MARCHF3: variants seen among roughly 807,000 people sequenced by gnomAD.
MARCHF3 encodes membrane associated ring-CH-type finger 3.
In MARCHF3, 13 loss-of-function variants were observed where a neutral mutation model predicts 24.2. The observed-to-expected ratio is 0.54, with a 90% CI of 0.35 to 0.85. The LOEUF is 0.85. Among genes scored for constraint, MARCHF3 ranks in the 40% least tolerant of loss-of-function variants. The pLI, the probability that MARCHF3 is intolerant of heterozygous loss-of-function variation, is 0.01. For synonymous variants in MARCHF3, 144 were observed against 137.3 expected (o/e 1.05, Z -0.34); for missense variants, 276 against 325.0 (o/e 0.85, Z 1.16).
At chr5:126,978,938 C>G (rs1438974010) in intron 1 of MARCHF3, among the ~76,000 whole-genome samples, 3 of 152,158 alleles carry the variant, frequency 2.0e-5, no homozygotes, top group African/African-American at 7.2e-5. Flanking sequence ...TGGGAAGACT[C>G]CACTCCAGAT....
At chr5:127,003,262 G>A (rs1178925083) in intron 1 of MARCHF3, among the ~76,000 whole-genome samples, 3 of 151,888 alleles carry the variant, frequency 2.0e-5, no homozygotes, top group African/African-American at 7.2e-5. Context: ...GGCGGAACAC[G>A]AGGTCAGGAG....
At chr5:126,883,405 A>AT (rs1371260839) in intron 3 of MARCHF3, among the ~76,000 whole-genome samples, 1 of 152,098 alleles carries the variant, frequency 6.6e-6, no homozygotes, top group Non-Finnish European at 1.5e-5. Flanking sequence ...TGAGCTGCCT[A>AT]TTTTTCTGTA....
intron 1 of MARCHF3, among the ~76,000 whole-genome samples, chr5:127,021,453 A>T (rs1019449320): frequency 1.3e-5 from 2 of 152,252 alleles, no homozygotes; most frequent in African/African-American, 4.8e-5. Flanking sequence ...CACAGATTTC[A>T]TAATTTCATA....
At chr5:126,894,830 G>A (rs1333379513) in intron 3 of MARCHF3, among the ~76,000 whole-genome samples, 1 of 151,822 alleles carries the variant, frequency 6.6e-6, no homozygotes, top group African/African-American at 2.4e-5. Flanking sequence ...GGCGTTCTCT[G>A]TATTTCCTGA....
At chr5:126,963,069 G>A (rs1750693142) in intron 1 of MARCHF3, among the ~76,000 whole-genome samples, 1 of 151,960 alleles carries the variant, frequency 6.6e-6, no homozygotes, top group African/African-American at 2.4e-5. Context: ...ACTGCTTATA[G>A]CATGTTGTAA....
intron 3 of MARCHF3, among the ~76,000 whole-genome samples, chr5:126,913,342 A>G (rs1381915451): frequency 6.6e-6 from 1 of 152,250 alleles, no homozygotes; most frequent in African/African-American, 2.4e-5. Flanking sequence ...AGGCTGCAAT[A>G]TCAAATTGGG....
chr5:127,015,289 T>C (rs970431989), intron 1 of MARCHF3, among the ~76,000 whole-genome samples: 1 of 152,134 alleles, frequency 6.6e-6, no homozygotes, highest in African/African-American at 2.4e-5. Flanking sequence ...TAGAAAACAA[T>C]GTCAAGTAGG....
At chr5:126,989,341 T>TAATA in intron 1 of MARCHF3, among the ~76,000 whole-genome samples, 1 of 138,804 alleles carries the variant, frequency 7.2e-6, no homozygotes, top group African/African-American at 2.9e-5. Context: ...CTACTACTAA[T>TAATA]AATAATAATA....
intron 1 of MARCHF3, among the ~76,000 whole-genome samples, chr5:126,974,406 T>C (rs1351051590): frequency 6.6e-6 from 1 of 152,220 alleles, no homozygotes; most frequent in East Asian, 1.9e-4. Context: ...GTCCTACTTC[T>C]GAATTCTGTT....
In MARCHF3 at chr5:126,869,328, G is replaced by C. The variant is rs1752881062; in HGVS notation, c.*1305C>G. 3 of 152,216 alleles carry C rather than the reference G, an allele frequency of 2.0e-5. No individual in the cohort carries two copies. The highest frequency in any genetic ancestry group is 7.2e-5 in the African/African-American group (3 of 41,442). 9.4% of individuals were successfully genotyped at this position (152,216 alleles called of 1,614,324 possible). On this transcript the variant is annotated 3_prime_UTR_variant, in exon 5 of 5. Transcript: ENST00000308660. The stretch of plus-strand genomic sequence containing the variant: ...TGCGTGTGGGCGGGCGGACAGCCGG[G>C]AGCCTGAGAGTCAACCCCAGCCAGC...
chr5:126,949,050 C>T (rs1362101049), intron 1 of MARCHF3, among the ~76,000 whole-genome samples: 1 of 152,132 alleles, frequency 6.6e-6, no homozygotes, highest in African/African-American at 2.4e-5. Context: ...TATGCATAAA[C>T]ATTCTTTTGA....
Position 126,869,638 on chromosome 5 carries a change from G to T in MARCHF3, c.*995C>A, listed in dbSNP as rs866361024. 19 of 113,152 alleles carry T rather than the reference G, an allele frequency of 1.7e-4. No homozygotes were observed. The highest frequency in any genetic ancestry group is 6.2e-4 in the South Asian group (2 of 3,244). The allele number at this position is 113,152 out of a possible 1,614,324, so 7.0% of individuals were successfully genotyped here. A position where few individuals can be genotyped will look rare whatever the true frequency, so the allele number is the denominator to read the frequency against. ...TACCTGTCAAGCTAGAAATTCAATA[G>T]AGCAATGGGAATGCTAATTGACATG... On this transcript the variant is annotated 3_prime_UTR_variant, in exon 5 of 5. Coordinates refer to ENST00000308660, the MANE Select transcript of MARCHF3 (RefSeq NM_178450.5).
At chr5:126,923,754 G>A (rs1749204242) in intron 1 of MARCHF3, among the ~76,000 whole-genome samples, 1 of 152,136 alleles carries the variant, frequency 6.6e-6, no homozygotes, top group Non-Finnish European at 1.5e-5. Flanking sequence ...TTAAAATTTT[G>A]TTAAGAGGGT....
chr5:126,991,374 A>T (rs1472079613), intron 1 of MARCHF3, among the ~76,000 whole-genome samples: 1 of 152,150 alleles, frequency 6.6e-6, no homozygotes, highest in Non-Finnish European at 1.5e-5. Flanking sequence ...CAGGGAGGGG[A>T]ACATCACACA....
intron 3 of MARCHF3, among the ~76,000 whole-genome samples, chr5:126,896,250 A>G (rs1224129508): frequency 2.0e-5 from 3 of 152,142 alleles, no homozygotes; most frequent in Admixed American, 2.0e-4. Flanking sequence ...TCAGATGGAA[A>G]TGCAGAAATC....
intron 4 of MARCHF3, among the ~76,000 whole-genome samples, chr5:126,876,032 A>G (rs1425043825): frequency 6.6e-6 from 1 of 152,208 alleles, no homozygotes; most frequent in Non-Finnish European, 1.5e-5. Flanking sequence ...ACATTTCTGG[A>G]ATGAAGTATG....
intron 1 of MARCHF3, among the ~76,000 whole-genome samples, chr5:127,014,845 G>T (rs535363435): frequency 5.9e-5 from 9 of 152,220 alleles, no homozygotes; most frequent in Non-Finnish European, 1.2e-4. Context: ...TTGGTTAAAG[G>T]ATATAAAATT....
intron 1 of MARCHF3, among the ~76,000 whole-genome samples, chr5:126,983,759 G>T (rs904418857): frequency 6.6e-6 from 1 of 152,134 alleles, no homozygotes; most frequent in African/African-American, 2.4e-5. Context: ...CAGAAGGAGC[G>T]CAGGATGCAA....
chr5:126,953,257 T>C (rs1750316718), intron 1 of MARCHF3, among the ~76,000 whole-genome samples: 1 of 152,210 alleles, frequency 6.6e-6, no homozygotes, highest in South Asian at 2.1e-4. Flanking sequence ...AGAAAATCCA[T>C]GTTCTTCTTG....
Sources: allele counts gnomAD v4.1 joint callset (sites outside exome capture counted in the v4.1 genomes callset), GRCh38; gene constraint gnomAD v4.1.1; transcripts MANE v1.5; gene names NCBI Gene and HGNC (gene_info 2026-07-23, HGNC 2026-07-21).